The following ATP6V0B variants were observed in gnomAD, a reference collection of about 807,000 sequenced individuals.
ATP6V0B encodes ATPase H+ transporting V0 subunit b, also known as V-type proton ATPase 21 kDa proteolipid subunit c''.
ATP6V0B carries 4 observed loss-of-function variants against 26.2 expected under a neutral mutation model. The ratio of observed to expected loss-of-function variants is 0.15; its 90% CI spans 0.08 to 0.35. The LOEUF (loss-of-function observed/expected upper bound fraction) is 0.35. ATP6V0B is among the 10% of genes least tolerant of loss of function. The pLI, the probability that ATP6V0B is intolerant of heterozygous loss-of-function variation, is 1.00. For missense variants in ATP6V0B, 175 were observed against 272.5 expected, an observed-to-expected ratio of 0.64 and a Z score of 2.52; for synonymous variants, 110 against 105.8, an observed-to-expected ratio of 1.04 and a Z score of -0.24.
At chr1:43,977,703 C>T in intron 7 of ATP6V0B, 1 of 1,428,784 alleles carries the variant, frequency 7.0e-7, no homozygotes, top group Non-Finnish European at 9.1e-7. Flanking sequence ...GACTAAGGAT[C>T]AGCCTGAGGG....
chr1:43,975,429 T>C, intron 1 of ATP6V0B: 1 of 548,578 alleles, frequency 1.8e-6, no homozygotes, highest in South Asian at 2.2e-5. Context: ...ACAAGCCGGC[T>C]GCTCCGGTTC....
At chr1:43,977,242 T>C in intron 7 of ATP6V0B, 26 bp downstream of exon 7, 1 of 1,614,208 alleles carries the variant, frequency 6.2e-7, no homozygotes, top group Non-Finnish European at 8.5e-7. Flanking sequence ...GGGAAGCCTC[T>C]GTGTCCTTGT....
intron 2 of ATP6V0B, 42 bp downstream of exon 2, chr1:43,975,890 C>T (rs753699698): frequency 2.6e-6 from 4 of 1,552,884 alleles, no homozygotes; most frequent in African/African-American, 2.7e-5. Flanking sequence ...AAGCTTCTTC[C>T]CTGCAGCCTC....
In ATP6V0B at chr1:43,976,391, G is replaced by T; in HGVS notation, c.278+12G>T. On this transcript the variant is annotated intron_variant, in intron 4 of 7. Transcript: ENST00000472174. The surrounding 1 kb of genome is among the most constrained non-coding windows in gnomAD (Gnocchi z 4.6). ...AAGAACCTGGTCAGGTAAGTGTCAG[G>T]GTCCTTGGACTTTTGTCAGAACCAG... 6.2e-7 allele frequency: 1 copy of T among 1,607,302 alleles called. No homozygotes were observed. Among genetic ancestry groups the T allele is most frequent in the Non-Finnish European group, 8.5e-7 (1 of 1,176,590 alleles).
Position 43,975,036 on chromosome 1 carries a change from C to G in ATP6V0B, c.-5C>G. 7.9e-7 allele frequency: 1 copy of G among 1,270,194 alleles called. No individual in the cohort carries two copies. The highest frequency in any genetic ancestry group is 1.0e-6 in the Non-Finnish European group (1 of 1,003,836). 78.7% of individuals were successfully genotyped at this position (1,270,194 alleles called of 1,614,324 possible). A position where few individuals can be genotyped will look rare whatever the true frequency, so the allele number is the denominator to read the frequency against. On this transcript the variant is annotated 5_prime_UTR_variant, in exon 1 of 8. Transcript: ENST00000472174. ...GCCGTTCCGACCCCCGCCGCCGTCG[C>G]CGCCATGACGGGGCTAGCACTGCTC...
Position 43,976,049 on chromosome 1 carries a change from C to T in ATP6V0B, c.117-41C>T, listed in dbSNP as rs1571794423. On this transcript the variant is annotated intron_variant, in intron 2 of 7. Transcript: ENST00000472174. This position sits in a 1 kb window ranked among gnomAD's most constrained non-coding sequence, Gnocchi z 4.6. ...GGTTAAGATTTTGTGCTCCGCTTCC[C>T]TGCTAGAGCTGAACTGCTTTCTTCT... 3 of 1,600,398 alleles carry T rather than the reference C, an allele frequency of 1.9e-6. No individual in the cohort carries two copies. In the East Asian group the frequency reaches 6.7e-5, roughly 36 times the overall value.
chr1:43,975,201 C>T, intron 1 of ATP6V0B, 94 bp downstream of exon 1: 6 of 1,335,360 alleles, frequency 4.5e-6, no homozygotes, highest in Non-Finnish European at 4.9e-6. Context: ...AATACTGGCC[C>T]CCCGCGCGCT....
At position 43,976,853 on chromosome 1, in the gene ATP6V0B, T is replaced by C. The variant is rs1464376680; in HGVS notation, c.400+29T>C. The C allele has an allele frequency of 2.5e-6, 4 of 1,612,676 alleles. No homozygotes were observed. The highest frequency in any genetic ancestry group is 3.4e-6 in the Non-Finnish European group (4 of 1,178,892). ...GGTGGATGGGCGTATGAATGCAAAA[T>C]GCTGGGACTTCATGCCTGCTTCCAC... On this transcript the variant is annotated intron_variant, in intron 6 of 7. Coordinates refer to ENST00000472174, the MANE Select transcript of ATP6V0B (RefSeq NM_004047.5). The surrounding 1 kb of genome is among the most constrained non-coding windows in gnomAD (Gnocchi z 4.6).
chr1:43,975,585 C>G (rs980717751), intron 1 of ATP6V0B: 5 of 625,358 alleles, frequency 8.0e-6, no homozygotes, highest in Admixed American at 6.1e-5. Context: ...CCTGCCTGCG[C>G]AGGTGCTTGG....
chr1:43,977,707 C>G (rs1222618457), intron 7 of ATP6V0B: 15 of 1,432,888 alleles, frequency 1.0e-5, no homozygotes, highest in Non-Finnish European at 1.4e-5. Flanking sequence ...AAGGATCAGC[C>G]TGAGGGTCTG....
intron 2 of ATP6V0B, 33 bp downstream of exon 2, chr1:43,975,881 A>G (rs201611191): frequency 5.1e-6 from 8 of 1,566,968 alleles, no homozygotes; most frequent in East Asian, 2.3e-5. Flanking sequence ...TTCCCCTTGA[A>G]GCTTCTTCCC....
In ATP6V0B at chr1:43,976,830, T is replaced by TGGA. The variant is rs778167105; in HGVS notation, c.400+7_400+9dup. On this transcript the variant is annotated splice_region_variant and intron_variant, in intron 6 of 7. Transcript: ENST00000472174. The surrounding 1 kb of genome is among the most constrained non-coding windows in gnomAD (Gnocchi z 4.6). Reference sequence around the variant, plus strand: ...CCATCGGAACTACCATGCAGGTGGGTGGATGGGCGTATGAATGCAAAATGC... The same window carrying TGGA: ...CCATCGGAACTACCATGCAGGTGGGTGGAGGATGGGCGTATGAATGCAAAATGC... 1 of 1,614,168 alleles carries TGGA rather than the reference T, an allele frequency of 6.2e-7. No individual in the cohort carries two copies. Among genetic ancestry groups the TGGA allele is most frequent in the East Asian group, 2.2e-5 (1 of 44,888 alleles).
Position 43,976,737 on chromosome 1 carries a change from C to T in ATP6V0B, c.349-36C>T. 1 of 1,614,040 alleles carries T rather than the reference C, an allele frequency of 6.2e-7. No individual in the cohort carries two copies. The highest frequency in any genetic ancestry group is 8.5e-7 in the Non-Finnish European group (1 of 1,179,924). On this transcript the variant is annotated intron_variant, in intron 5 of 7. Transcript: ENST00000472174. The surrounding 1 kb of genome is among the most constrained non-coding windows in gnomAD (Gnocchi z 4.6). ...TCCTTAGAGATTGGATGGGGTGCAT[C>T]AGGATGGTTTCTGATTACTTTTCTT...
At position 43,978,137 on chromosome 1, in the gene ATP6V0B, C is replaced by G. The variant is rs541613912; in HGVS notation, c.*130C>G. On this transcript the variant is annotated 3_prime_UTR_variant, in exon 8 of 8. Transcript: ENST00000472174. ...CCCTCCCTGCACTCCCCTCTTGCTG[C>G]GTGTTGATTTGGAGGCACTGCAGTC... 4 of 1,372,834 alleles carry G rather than the reference C, an allele frequency of 2.9e-6. No individual in the cohort carries two copies. The East Asian group carries it at 6.9e-5, about 24-fold the overall frequency. 85.0% of individuals were successfully genotyped at this position (1,372,834 alleles called of 1,614,324 possible). A position where few individuals can be genotyped will look rare whatever the true frequency, so the allele number is the denominator to read the frequency against.
At chr1:43,977,610 T>C in intron 7 of ATP6V0B, 1 of 1,420,682 alleles carries the variant, frequency 7.0e-7, no homozygotes, top group Non-Finnish European at 9.1e-7. Context: ...GAGCTATGTG[T>C]ATCTCCCTCT....
rs79393420 is a variant in ATP6V0B at position 43,975,725 on chromosome 1, G to T, written c.68-75G>T. The T allele has an allele frequency of 2.6e-3, 4,091 of 1,554,990 alleles. 9 individuals carry two copies. The highest frequency in any genetic ancestry group is 3.2e-3 in the Non-Finnish European group (3,603 of 1,129,582). ...CTTCAGGGAGGTGGCCCTTCAGCTC[G>T]GCAGCTACTTTAGGTTGAAGAACTT... On this transcript the variant is annotated intron_variant, in intron 1 of 7. Coordinates refer to ENST00000472174, the MANE Select transcript of ATP6V0B (RefSeq NM_004047.5).
In ATP6V0B at chr1:43,976,536, T is replaced by G. The variant is rs1200562577; in HGVS notation, c.279-54T>G. 1.2e-6 allele frequency: 2 copies of G among 1,600,842 alleles called. No individual in the cohort carries two copies. Among genetic ancestry groups the G allele is most frequent in the African/African-American group, 2.7e-5 (2 of 74,616 alleles). On this transcript the variant is annotated intron_variant, in intron 4 of 7. Coordinates refer to ENST00000472174, the MANE Select transcript of ATP6V0B (RefSeq NM_004047.5). This position sits in a 1 kb window ranked among gnomAD's most constrained non-coding sequence, Gnocchi z 4.6. ...CTTACTGGGCAGGAAGGACGGTTTC[T>G]TTCTCATTTCTTTCTCCTTTCCACT...
At position 43,977,123 on chromosome 1, in the gene ATP6V0B, T is replaced by C; in HGVS notation, c.498T>C (p.Asp166=). 6.2e-7 allele frequency: 1 copy of C among 1,614,270 alleles called. No homozygotes were observed. The highest frequency in any genetic ancestry group is 8.5e-7 in the Non-Finnish European group (1 of 1,180,050). ...TGGGCAGTGGGGCTGCCCTGGCCGA[T>C]GCTCAGAACCCCAGCCTCTTTGTAA... ...GIVGSGAALA[D]AQNPSLFVKI... is the part of the protein sequence containing the mutation. Residue 166 remains aspartate (D), a synonymous_variant, in exon 7 of 8, where the codon GAT becomes GAC. Transcript: ENST00000472174.
chr1:43,977,364 T>A, intron 7 of ATP6V0B, 148 bp downstream of exon 7: 1 of 1,543,932 alleles, frequency 6.5e-7, no homozygotes, highest in Non-Finnish European at 8.7e-7. Context: ...TCTTCTGGTT[T>A]TCTCCTACAG....
Sources: gnomAD v4.1 joint callset for allele counts on GRCh38, gnomAD v4.1.1 for gene constraint, Gnocchi (gnomAD v3.1) non-coding constraint, MANE v1.5 for transcripts, NCBI Gene and HGNC (gene_info 2026-07-23, HGNC 2026-07-21) for gene names.